The following HK1 variants were observed in gnomAD, a reference collection of about 807,000 sequenced individuals.
The protein encoded by HK1 is hexokinase-1.
HK1 carries 28 observed loss-of-function variants against 91.6 expected under a neutral mutation model. The ratio of observed to expected loss-of-function variants is 0.31; its 90% confidence interval spans 0.23 to 0.42. HK1 has a LOEUF of 0.42. Among genes scored for constraint, HK1 ranks in the 10% least tolerant of loss-of-function variants. HK1 has a pLI of 1.00. For missense variants in HK1, 770 were observed against 1,219.8 expected (o/e 0.63, Z 5.49); for synonymous variants, 430 against 468.1 (o/e 0.92, Z 1.05).
rs773430861 is a variant in HK1 at position 69,377,035 on chromosome 10, C to T, written c.977C>T (p.Pro326Leu). ...CTCTTATTTGAAGGGCGGATCACCCCGGAGCTGCTCACCCGAGGGAAGTTT... is the reference window on the plus strand; with the variant it reads ...CTCTTATTTGAAGGGCGGATCACCCTGGAGCTGCTCACCCGAGGGAAGTTT... ...EGLLFEGRIT[P>L]ELLTRGKFNT... is the part of the protein sequence containing the mutation. Residue 326 changes from proline (P) to leucine (L), a missense_variant, in exon 8 of 18, where the codon CCG becomes CTG. Coordinates refer to ENST00000359426, the MANE Select transcript of HK1 (RefSeq NM_000188.3). 5 of 1,614,150 alleles carry T rather than the reference C, an allele frequency of 3.1e-6. No individual in the cohort carries two copies. Among genetic ancestry groups the T allele is most frequent in the Non-Finnish European group, 4.2e-6 (5 of 1,180,028 alleles).
Position 69,401,096 on chromosome 10 carries a change from G to C in HK1, c.2715G>C (p.Thr905=). ...GCGGCAAGGGGGCCGCCCTCATCAC[G>C]GCCGTGGGCGTGCGGTTACGCACAG... The part of the protein sequence containing the change: ...DGSGKGAALI[T]AVGVRLRTEA... The change falls in exon 18 of 18, where the codon ACG becomes ACC. Residue 905 remains threonine, a synonymous_variant. Transcript: ENST00000359426. 1 of 1,614,030 alleles carries C rather than the reference G, an allele frequency of 6.2e-7. No homozygotes were observed. Among genetic ancestry groups the C allele is most frequent in the South Asian group, 1.1e-5 (1 of 91,086 alleles).
chr10:69,348,406 A>G (rs1187027649), intron 2 of HK1, among the ~76,000 whole-genome samples: 3 of 152,234 alleles, frequency 2.0e-5, no homozygotes, highest in African/African-American at 7.2e-5. Context: ...TAGTTGGGTT[A>G]TCTCAAGTAT....
At chr10:69,396,541 T>C (rs1840152739) in intron 16 of HK1, among the ~76,000 whole-genome samples, 1 of 120,272 alleles carries the variant, frequency 8.3e-6, no homozygotes, top group South Asian at 3.0e-4. Context: ...TTCTACTCTC[T>C]GTCTCTATGG....
chr10:69,385,479 A>G (rs1867974), intron 12 of HK1, among the ~76,000 whole-genome samples: 83,268 of 152,092 alleles, frequency 0.55, 23,170 homozygotes, highest in East Asian at 0.64. Flanking sequence ...TAACACCAGC[A>G]GCTCCAGCTC....
At chr10:69,331,329 T>G (rs964495859) in intron 1 of HK1, among the ~76,000 whole-genome samples, 3 of 152,280 alleles carry the variant, frequency 2.0e-5, no homozygotes, top group Non-Finnish European at 4.4e-5. Flanking sequence ...GGAAGGATAT[T>G]TCTTTTCAGC....
At chr10:69,394,849 C>T in intron 15 of HK1, 101 bp from the exon 16 acceptor site, 1 of 1,197,488 alleles carries the variant, frequency 8.4e-7, no homozygotes, top group African/African-American at 1.5e-5. Context: ...TGATGATGCG[C>T]TTGAGGGGCA....
chr10:69,372,167 C>T (rs747186687), intron 7 of HK1, among the ~76,000 whole-genome samples: 5 of 152,158 alleles, frequency 3.3e-5, no homozygotes, highest in South Asian at 2.1e-4. Flanking sequence ...ACGAGAATTG[C>T]GTGGGAAAGA....
At chr10:69,318,719 C>G (rs1385370972), upstream of HK1, 2 of 770,986 alleles carry the variant, frequency 2.6e-6, no homozygotes, top group Non-Finnish European at 1.9e-6. Context: ...CGCGCCGCAA[C>G]CAATGGGCGT....
At chr10:69,398,403 T>A (rs1012728029) in intron 16 of HK1, among the ~76,000 whole-genome samples, 192 bp from the exon 17 acceptor site, 3 of 152,250 alleles carry the variant, frequency 2.0e-5, no homozygotes, top group African/African-American at 7.2e-5. Flanking sequence ...AGATAGTGAA[T>A]GGTTTAGATT....
At chr10:69,284,931 C>T (rs1359480078) in intron 2 of HK1, among the ~76,000 whole-genome samples, 2 of 152,246 alleles carry the variant, frequency 1.3e-5, no homozygotes, top group East Asian at 3.9e-4. Flanking sequence ...ATTCTCCTGC[C>T]TCAGCCTCCT....
upstream of HK1, among the ~76,000 whole-genome samples, chr10:69,314,223 T>C (rs1846526425): frequency 1.3e-5 from 2 of 152,222 alleles, no homozygotes; most frequent in Admixed American, 1.3e-4. Context: ...GATGTTCCCA[T>C]GGAAAGCTAG....
chr10:69,292,748 T>C (rs1209263961), intron 3 of HK1, among the ~76,000 whole-genome samples: 1 of 152,106 alleles, frequency 6.6e-6, no homozygotes, highest in Non-Finnish European at 1.5e-5. Context: ...TCCCCCAACC[T>C]CCAGTGCTGC....
chr10:69,289,307 C>A (rs1845174761), intron 3 of HK1, among the ~76,000 whole-genome samples: 1 of 152,060 alleles, frequency 6.6e-6, no homozygotes, highest in Non-Finnish European at 1.5e-5. Flanking sequence ...CGTTCTGTAT[C>A]CCCCTGGTTA....
chr10:69,338,887 T>C (rs904762354), intron 1 of HK1, among the ~76,000 whole-genome samples: 3 of 152,040 alleles, frequency 2.0e-5, no homozygotes, highest in African/African-American at 7.2e-5. Context: ...GGCCAGACTT[T>C]GGCCAAATCC....
chr10:69,389,470 G>C, intron 14 of HK1, 174 bp downstream of exon 14: 1 of 624,432 alleles, frequency 1.6e-6, no homozygotes, highest in Non-Finnish European at 3.0e-6. Context: ...AGTCTCTGGC[G>C]GGGGGAGGTG....
At chr10:69,355,669 G>A (rs1000905527) in intron 2 of HK1, among the ~76,000 whole-genome samples, 6 of 152,142 alleles carry the variant, frequency 3.9e-5, no homozygotes, top group Non-Finnish European at 8.8e-5. Flanking sequence ...GCACACGCCT[G>A]TAATCCTAGC....
At chr10:69,398,888 G>C in intron 17 of HK1, 60 bp downstream of exon 17, 4 of 1,335,530 alleles carry the variant, frequency 3.0e-6, no homozygotes, top group Non-Finnish European at 4.3e-6. Flanking sequence ...GGGTTAGGGG[G>C]TATCAGGGTG....
chr10:69,281,085 A>G (rs966372433), intron 1 of HK1, among the ~76,000 whole-genome samples: 2 of 152,156 alleles, frequency 1.3e-5, no homozygotes, highest in African/African-American at 2.4e-5. Context: ...AGTGAGAGAG[A>G]ACTGGGATCT....
intron 9 of HK1, among the ~76,000 whole-genome samples, chr10:69,381,761 C>T (rs1178807886): frequency 6.6e-6 from 1 of 152,076 alleles, no homozygotes; most frequent in Admixed American, 6.5e-5. Context: ...ACCATGTTGG[C>T]CAGACTGGTC....
Sources: allele counts gnomAD v4.1 joint callset (sites outside exome capture counted in the v4.1 genomes callset), GRCh38; gene constraint gnomAD v4.1.1; transcripts MANE v1.5; gene names NCBI Gene and HGNC (gene_info 2026-07-23, HGNC 2026-07-21).